CDH13: variants seen among roughly 807,000 people sequenced by gnomAD.
The protein encoded by CDH13 is cadherin-13.
Under a neutral mutation model 63.8 loss-of-function variants are expected in CDH13, and 24 were observed. The ratio of observed to expected loss-of-function variants is 0.38; its 90% CI spans 0.27 to 0.53. The LOEUF (loss-of-function observed/expected upper bound fraction) is 0.53, where lower values mean the gene tolerates loss of function less well. Ranked by LOEUF, CDH13 falls within the 20% of genes least tolerant of loss-of-function variation. CDH13 has a pLI of 0.85. For missense variants in CDH13, 1,049 were observed against 903.1 expected, an observed-to-expected ratio of 1.16 and a Z score of -2.07; for synonymous variants, 503 against 355.3, an observed-to-expected ratio of 1.42 and a Z score of -4.67.
intron 1 of CDH13, among the ~76,000 whole-genome samples, chr16:82,729,036 C>T (rs1007133590): frequency 6.6e-6 from 1 of 152,140 alleles, no homozygotes; most frequent in Non-Finnish European, 1.5e-5. Context: ...TTCAGCAATT[C>T]AGTCACATCT....
intron 5 of CDH13, among the ~76,000 whole-genome samples, chr16:83,273,319 A>G (rs1180678265): frequency 6.6e-6 from 1 of 151,948 alleles, no homozygotes; most frequent in Admixed American, 6.6e-5. Flanking sequence ...GTTTTTTTCA[A>G]TCCTCTCCCA....
At position 83,014,016 on chromosome 16, in the gene CDH13, G is replaced by C. The variant is rs560953999; in HGVS notation, c.158-17994G>C. The stretch of plus-strand genomic sequence containing the variant: ...TAACAGGCCTTTGCTAAACACTCGA[G>C]GTAAAATGGCAAACAAGACACTTTC... On this transcript the variant is annotated intron_variant, in intron 2 of 13. Transcript: ENST00000567109. 2.0e-5 allele frequency among the ~76,000 whole-genome samples: 3 copies of C among 152,046 alleles called. 1 individual carries two copies. Among genetic ancestry groups the C allele is most frequent in the African/African-American group, 7.2e-5 (3 of 41,468 alleles).
chr16:83,506,373 C>G (rs1443057736), intron 7 of CDH13, among the ~76,000 whole-genome samples: 1 of 152,178 alleles, frequency 6.6e-6, no homozygotes, highest in East Asian at 1.9e-4. Context: ...GCACTCAAAT[C>G]CCAACAGATG....
chr16:82,636,360 A>G (rs1289457494), intron 1 of CDH13, among the ~76,000 whole-genome samples: 1 of 152,064 alleles, frequency 6.6e-6, no homozygotes, highest in Non-Finnish European at 1.5e-5. Flanking sequence ...CAGTATTGCC[A>G]GCAGATCCAG....
intron 2 of CDH13, among the ~76,000 whole-genome samples, chr16:82,944,448 G>A (rs950571803): frequency 1.3e-5 from 2 of 152,140 alleles, no homozygotes; most frequent in Non-Finnish European, 2.9e-5. Flanking sequence ...AATGCATAAG[G>A]GAGCTGCTTT....
intron 2 of CDH13, among the ~76,000 whole-genome samples, chr16:82,914,087 G>C (rs1322903315): frequency 6.6e-6 from 1 of 152,066 alleles, no homozygotes; most frequent in East Asian, 1.9e-4. Flanking sequence ...AGGAAGGGAC[G>C]TACAGAAACC....
chr16:82,948,223 T>C (rs1001839102), intron 2 of CDH13, among the ~76,000 whole-genome samples: 15 of 152,252 alleles, frequency 9.9e-5, no homozygotes, highest in African/African-American at 3.6e-4. Context: ...CTCCCCCAAA[T>C]CTGCTTTCTA....
rs973535900 is a variant in CDH13 at position 83,273,541 on chromosome 16, C to T, written c.636+56044C>T. Among the ~76,000 whole-genome samples, 7 of 151,988 alleles carry T rather than the reference C, an allele frequency of 4.6e-5. 1 individual carries two copies. Among genetic ancestry groups the T allele is most frequent in the Admixed American group, 2.6e-4 (4 of 15,268 alleles). ...CACACCATGGAATACTATGAAGCCA[C>T]AAAAAAGAACGAGATCATGTCCTTC... On this transcript the variant is annotated intron_variant, in intron 5 of 13. Coordinates refer to ENST00000567109, the MANE Select transcript of CDH13 (RefSeq NM_001257.5).
At chr16:82,774,731 C>T (rs565292810) in intron 1 of CDH13, among the ~76,000 whole-genome samples, 12 of 152,136 alleles carry the variant, frequency 7.9e-5, no homozygotes, top group Non-Finnish European at 1.2e-4. Context: ...ATAGGTGAGG[C>T]TCTGCTGCAT....
chr16:83,520,294 C>T (rs1021033363), intron 7 of CDH13, among the ~76,000 whole-genome samples: 1 of 152,086 alleles, frequency 6.6e-6, no homozygotes, highest in Non-Finnish European at 1.5e-5. Context: ...ATGATTCCAT[C>T]GTTTATGAAG....
chr16:83,574,656 G>C (rs534632428), intron 7 of CDH13, among the ~76,000 whole-genome samples: 21 of 152,304 alleles, frequency 1.4e-4, no homozygotes, highest in African/African-American at 5.1e-4. Flanking sequence ...TTCACTATGG[G>C]TCTTAACAAA....
chr16:82,993,734 A>G (rs1238517601), intron 2 of CDH13, among the ~76,000 whole-genome samples: 1 of 152,200 alleles, frequency 6.6e-6, no homozygotes, highest in Non-Finnish European at 1.5e-5. Flanking sequence ...TGTACCAAAA[A>G]ACACAGAAAA....
chr16:82,796,101 T>C (rs965562152), intron 1 of CDH13, among the ~76,000 whole-genome samples: 4 of 152,146 alleles, frequency 2.6e-5, no homozygotes, highest in African/African-American at 9.7e-5. Context: ...GTGCCTCTCC[T>C]GGAGAAGCAG....
intron 2 of CDH13, 68 bp from the exon 3 acceptor site, chr16:83,031,942 C>T: frequency 8.1e-7 from 1 of 1,232,254 alleles, no homozygotes; most frequent in South Asian, 1.3e-5. Flanking sequence ...CTTAATAGGT[C>T]AGAGATATCT....
intron 8 of CDH13, among the ~76,000 whole-genome samples, chr16:83,655,854 G>C (rs1412869409): frequency 6.6e-6 from 1 of 152,190 alleles, no homozygotes; most frequent in Admixed American, 6.5e-5. Context: ...AGGTTGTAGA[G>C]AGAAAGTGGC....
At chr16:83,707,685 C>T (rs12919028) in intron 10 of CDH13, among the ~76,000 whole-genome samples, 13,762 of 151,626 alleles carry the variant, frequency 0.091, 803 homozygotes, top group Admixed American at 0.14. Context: ...CCTGACATGC[C>T]GCACTGTGCT....
intron 6 of CDH13, among the ~76,000 whole-genome samples, chr16:83,359,008 C>T (rs908551718): frequency 6.6e-6 from 1 of 152,254 alleles, no homozygotes; most frequent in South Asian, 2.1e-4. Flanking sequence ...AGTGTGCTGG[C>T]TTCGTGTCCA....
chr16:83,390,502 C>T (rs2091765825), intron 6 of CDH13, among the ~76,000 whole-genome samples: 1 of 151,352 alleles, frequency 6.6e-6, no homozygotes, highest in Non-Finnish European at 1.5e-5. Flanking sequence ...TTTAACTTGC[C>T]TAAAGATAAT....
At chr16:83,305,508 G>C (rs1026574702) in intron 5 of CDH13, among the ~76,000 whole-genome samples, 1 of 152,174 alleles carries the variant, frequency 6.6e-6, no homozygotes, top group Non-Finnish European at 1.5e-5. Context: ...GGAGGGTTTT[G>C]TCTTTCTTTG....
Sources: allele counts gnomAD v4.1 joint callset (sites outside exome capture counted in the v4.1 genomes callset), GRCh38; gene constraint gnomAD v4.1.1; transcripts MANE v1.5; gene names NCBI Gene and HGNC (gene_info 2026-07-23, HGNC 2026-07-21).